Variants in RAB3IP observed in about 807,000 individuals in gnomAD.
RAB3IP encodes RAB3A interacting protein, also known as rab-3A-interacting protein.
In RAB3IP, 36 loss-of-function variants were observed where a neutral mutation model predicts 59.1. That is an observed-to-expected ratio of 0.61 (90% CI 0.47 to 0.80). The LOEUF is 0.80. RAB3IP is among the 30% of genes least tolerant of loss of function. The probability of loss-of-function intolerance (pLI) is 0.00; values close to 1 mark genes in which losing one functional copy is unlikely to be tolerated. For missense variants in RAB3IP, 511 were observed against 536.0 expected (o/e 0.95, Z 0.46); for synonymous variants, 207 against 191.2 (o/e 1.08, Z -0.68).
chr12:69,797,885 G>C (rs1266817030), intron 6 of RAB3IP, among the ~76,000 whole-genome samples: 1 of 152,080 alleles, frequency 6.6e-6, no homozygotes. Context: ...AGTATTCCAT[G>C]GTGTATATGT....
intron 3 of RAB3IP, among the ~76,000 whole-genome samples, chr12:69,767,952 T>G (rs1207882482): frequency 6.6e-6 from 1 of 151,742 alleles, no homozygotes; most frequent in African/African-American, 2.4e-5. Flanking sequence ...CTCATGCTCC[T>G]GAACCAGACA....
At chr12:69,742,310 C>A (rs572073571) in intron 1 of RAB3IP, among the ~76,000 whole-genome samples, 4 of 152,232 alleles carry the variant, frequency 2.6e-5, no homozygotes, top group African/African-American at 9.6e-5. Context: ...TTGGTTACTA[C>A]GCATTTGATA....
In RAB3IP at chr12:69,818,595, G is replaced by T. The variant is rs2136298795; in HGVS notation, c.*3149G>T. ...GTCTATTTTTAGGAAGGTGTAATGT[G>T]TTCACAGAATGGGTGATTATTACAT... On this transcript the variant is annotated 3_prime_UTR_variant, in exon 11 of 11. Transcript: ENST00000247833. 6.6e-6 allele frequency: 1 copy of T among 152,276 alleles called. No individual in the cohort carries two copies. Among genetic ancestry groups the T allele is most frequent in the East Asian group, 1.9e-4 (1 of 5,190 alleles). 9.4% of individuals were successfully genotyped at this position (152,276 alleles called of 1,614,324 possible).
At chr12:69,800,182 T>A in intron 6 of RAB3IP, 27 bp from the exon 7 acceptor site, 2 of 1,487,992 alleles carry the variant, frequency 1.3e-6, no homozygotes, top group South Asian at 2.8e-5. Context: ...TTAAAACATG[T>A]TTTTGTGTTT....
At chr12:69,751,838 A>C (rs1156257464) in intron 1 of RAB3IP, among the ~76,000 whole-genome samples, 1 of 152,052 alleles carries the variant, frequency 6.6e-6, no homozygotes, top group Non-Finnish European at 1.5e-5. Context: ...CTTTATGTTT[A>C]GGGATTCTTT....
chr12:69,752,331 ATATT>A (rs1239264142), intron 1 of RAB3IP, among the ~76,000 whole-genome samples: 2 of 150,530 alleles, frequency 1.3e-5, no homozygotes, highest in African/African-American at 4.9e-5. Flanking sequence ...TTATATATAT[ATATT>A]TATTTATTTT....
rs112666048 is a variant in RAB3IP, at chr12:69,810,500, C to A, written c.1131-2278C>A. ...GCTGTAGACTGGAGCTGTTCCTATT[C>A]GGCCATCTTGGCTCCACCCTCCAGA... On this transcript the variant is annotated intron_variant, in intron 8 of 10. Coordinates refer to ENST00000247833, the MANE Select transcript of RAB3IP (RefSeq NM_022456.5). Among the ~76,000 whole-genome samples the A allele has an allele frequency of 4.1e-4, 63 of 152,258 alleles. 1 individual carries two copies. The highest frequency in any genetic ancestry group is 1.5e-3 in the African/African-American group (61 of 41,544).
At position 69,817,109 on chromosome 12, in the gene RAB3IP, A is replaced by G. The variant is rs1881210212; in HGVS notation, c.*1663A>G. 1 of 152,228 alleles carries G rather than the reference A, an allele frequency of 6.6e-6. No homozygotes were observed. Among genetic ancestry groups the G allele is most frequent in the Admixed American group, 6.5e-5 (1 of 15,278 alleles). The allele number at this position is 152,228 out of a possible 1,614,324, so 9.4% of individuals were successfully genotyped here. On this transcript the variant is annotated 3_prime_UTR_variant, in exon 11 of 11. Coordinates refer to ENST00000247833, the MANE Select transcript of RAB3IP (RefSeq NM_022456.5). ...GAGAAAGTACCTAAATAAAAAGAGA[A>G]ACAAATCCAGGAGATACTGTACGGT...
intron 6 of RAB3IP, among the ~76,000 whole-genome samples, chr12:69,797,256 A>G (rs1339376946): frequency 6.6e-6 from 1 of 152,182 alleles, no homozygotes; most frequent in Non-Finnish European, 1.5e-5. Flanking sequence ...TTGAATTCGG[A>G]CTTTACTGCT....
chr12:69,765,304 T>C (rs1344123942), intron 3 of RAB3IP, among the ~76,000 whole-genome samples: 3 of 152,210 alleles, frequency 2.0e-5, no homozygotes, highest in Admixed American at 2.0e-4. Flanking sequence ...TATTTTGAGG[T>C]ACATTTCTTT....
intron 5 of RAB3IP, 69 bp downstream of exon 5, chr12:69,794,583 C>G: frequency 8.0e-7 from 1 of 1,249,146 alleles, no homozygotes; most frequent in East Asian, 2.5e-5. Flanking sequence ...ACCTTAACAT[C>G]TGTTGGATTT....
Position 69,772,617 on chromosome 12 carries a change from C to T in RAB3IP, c.511-12103C>T, listed in dbSNP as rs74967245. On this transcript the variant is annotated intron_variant, in intron 3 of 10. Transcript: ENST00000247833. The stretch of plus-strand genomic sequence containing the variant: ...ACCATGAGGCTTACAAAAAACATAA[C>T]CAGTTATTTTAAACTGCTAACAACT... Among the ~76,000 whole-genome samples the T allele has an allele frequency of 2.0e-3, 302 of 152,190 alleles. 3 individuals carry two copies. Among genetic ancestry groups the T allele is most frequent in the African/African-American group, 7.0e-3 (292 of 41,540 alleles).
rs973310438 is a variant in RAB3IP, at chr12:69,823,098, G to T, written c.*7652G>T. 2.0e-5 allele frequency: 3 copies of T among 152,026 alleles called. No individual in the cohort carries two copies. The highest frequency in any genetic ancestry group is 7.2e-5 in the African/African-American group (3 of 41,380). 9.4% of individuals were successfully genotyped at this position (152,026 alleles called of 1,614,324 possible). On this transcript the variant is annotated 3_prime_UTR_variant, in exon 11 of 11. Transcript: ENST00000247833. ...ATGGATATGCTAATTACCCTGATCT[G>T]ATCACTACACATTATATGTATGGAA...
intron 7 of RAB3IP, among the ~76,000 whole-genome samples, chr12:69,801,181 G>A (rs1331622854): frequency 6.6e-6 from 1 of 152,126 alleles, no homozygotes; most frequent in Non-Finnish European, 1.5e-5. Context: ...ACTCACTCTT[G>A]TGCACATAAA....
At chr12:69,752,266 G>A (rs1356903102) in intron 1 of RAB3IP, among the ~76,000 whole-genome samples, 1 of 150,738 alleles carries the variant, frequency 6.6e-6, no homozygotes, top group African/African-American at 2.4e-5. Flanking sequence ...TGTGTGTCAA[G>A]TTTTTGGGAT....
upstream of RAB3IP, chr12:69,738,348 G>A (rs543798981): frequency 6.6e-6 from 1 of 152,182 alleles, no homozygotes; most frequent in Non-Finnish European, 1.5e-5. Flanking sequence ...GACAGGTACA[G>A]ACATGACATT....
chr12:69,787,858 AT>A (rs1738861931), intron 4 of RAB3IP, among the ~76,000 whole-genome samples: 1 of 152,166 alleles, frequency 6.6e-6, no homozygotes, highest in South Asian at 2.1e-4. Context: ...AGTGTTCTAT[AT>A]GAACATATAT....
At chr12:69,767,490 A>C (rs1872405518) in intron 3 of RAB3IP, among the ~76,000 whole-genome samples, 1 of 152,250 alleles carries the variant, frequency 6.6e-6, no homozygotes, top group Non-Finnish European at 1.5e-5. Context: ...TGGCAAGCAC[A>C]AACACCAGTG....
intron 8 of RAB3IP, among the ~76,000 whole-genome samples, chr12:69,806,406 G>A (rs1049507122): frequency 2.6e-5 from 4 of 151,680 alleles, no homozygotes; most frequent in African/African-American, 9.7e-5. Context: ...TATTAGTCTT[G>A]CTAGCGGTCT....
Sources: gnomAD v4.1 joint callset for allele counts (sites outside exome capture counted in the v4.1 genomes callset) on GRCh38, gnomAD v4.1.1 for gene constraint, MANE v1.5 for transcripts, NCBI Gene and HGNC (gene_info 2026-07-23, HGNC 2026-07-21) for gene names.